Variants in CDC20B observed in about 807,000 individuals in gnomAD.
The protein encoded by CDC20B is cell division cycle protein 20 homolog B.
In CDC20B, 58 loss-of-function variants were observed where a neutral mutation model predicts 64.1. That is an observed-to-expected ratio of 0.90 (90% CI 0.73 to 1.13). The LOEUF (loss-of-function observed/expected upper bound fraction) is 1.13, where lower values mean the gene tolerates loss of function less well. CDC20B is among the 50% of genes most tolerant of loss of function. The pLI is 0.00. For missense variants in CDC20B, 597 were observed against 633.0 expected, an observed-to-expected ratio of 0.94 and a Z score of 0.61; for synonymous variants, 243 against 230.6, an observed-to-expected ratio of 1.05 and a Z score of -0.49.
chr5:55,144,361 C>T (rs1266034404), intron 3 of CDC20B, among the ~76,000 whole-genome samples: 1 of 152,174 alleles, frequency 6.6e-6, no homozygotes, highest in East Asian at 1.9e-4. Flanking sequence ...GCCCTGGAAA[C>T]CTGTCAAGTC....
chr5:55,147,082 A>G (rs996441874), intron 2 of CDC20B, among the ~76,000 whole-genome samples: 12 of 146,384 alleles, frequency 8.2e-5, no homozygotes, highest in Non-Finnish European at 1.5e-4. Flanking sequence ...TATTATATAA[A>G]CATAAATATG....
At chr5:55,133,905 G>A (rs745455109) in intron 5 of CDC20B, among the ~76,000 whole-genome samples, 8 of 151,936 alleles carry the variant, frequency 5.3e-5, no homozygotes, top group Non-Finnish European at 1.0e-4. Flanking sequence ...GACTTACCTG[G>A]TACACCTATG....
At chr5:55,136,472 T>A (rs1181107333) in intron 5 of CDC20B, 1 of 151,908 alleles carries the variant, frequency 6.6e-6, no homozygotes, top group African/African-American at 2.4e-5. Flanking sequence ...GGCAGGAGAA[T>A]TGCTTCAACC....
At position 55,114,348 on chromosome 5, in the gene CDC20B, T is replaced by TGCTGCC; in HGVS notation, c.1460-31_1460-30insGGCAGC. On this transcript the variant is annotated intron_variant, in intron 11 of 11. Coordinates refer to ENST00000381375, the MANE Select transcript of CDC20B (RefSeq NM_001170402.1). This position sits in a 1 kb window ranked among gnomAD's most constrained non-coding sequence, Gnocchi z 4.1. ...GGGAAGAAGGAAAGACAGTTCATACTCCTCCACGTTACATGGGCTGCTGCT... is the reference window on the plus strand; with the variant it reads ...GGGAAGAAGGAAAGACAGTTCATACTGCTGCCCCTCCACGTTACATGGGCTGCTGCT... 1 of 1,610,596 alleles carries TGCTGCC rather than the reference T, an allele frequency of 6.2e-7. No homozygotes were observed. The highest frequency in any genetic ancestry group is 1.1e-5 in the South Asian group (1 of 90,536).
At chr5:55,132,144 A>G (rs946312224) in intron 6 of CDC20B, among the ~76,000 whole-genome samples, 3 of 152,238 alleles carry the variant, frequency 2.0e-5, no homozygotes, top group African/African-American at 7.2e-5. Context: ...CAGTTTTTTA[A>G]CATTTTTTGA....
chr5:55,124,525 G>A (rs1466066716), intron 9 of CDC20B, among the ~76,000 whole-genome samples: 2 of 152,128 alleles, frequency 1.3e-5, no homozygotes, highest in African/African-American at 2.4e-5. Context: ...AAAACCAGCT[G>A]TATGTACCCA....
intron 9 of CDC20B, 138 bp from the exon 10 acceptor site, chr5:55,120,688 G>A: frequency 2.1e-6 from 2 of 947,594 alleles, no homozygotes; most frequent in South Asian, 1.4e-5. Flanking sequence ...CTAAAGGCAG[G>A]AGCAACTGCA....
rs1364286721 is a variant in CDC20B, at chr5:55,161,270, T to G, written c.126+11318A>C. 5 of 1,606,026 alleles carry G rather than the reference T, an allele frequency of 3.1e-6. No individual in the cohort carries two copies. The African/African-American group carries it at 4.0e-5, about 13-fold the overall frequency. ...ATTTCTTGTTGGTAAATATCTGCCT[T>G]GCATATGCTGTTTTAAATTGCTTTT... is the stretch of plus-strand genomic sequence containing the variant. On this transcript the variant is annotated intron_variant, in intron 2 of 11. Transcript: ENST00000381375.
chr5:55,147,411 TTA>T (rs1261932123), intron 2 of CDC20B, among the ~76,000 whole-genome samples: 2 of 139,038 alleles, frequency 1.4e-5, no homozygotes, highest in Admixed American at 1.5e-4. Flanking sequence ...ATAAAATATG[TTA>T]TATTTTATAT....
chr5:55,126,481 A>AAAAAAAAAAAAAAAAAC (rs1742897130), intron 8 of CDC20B: 1 of 296,866 alleles, frequency 3.4e-6, no homozygotes, highest in African/African-American at 2.3e-5. Flanking sequence ...AAAAAAAAAA[A>AAAAAAAAAAAAAAAAAC]AAAAAACAGT....
At chr5:55,171,332 T>C (rs191414220) in intron 2 of CDC20B, among the ~76,000 whole-genome samples, 96 of 152,218 alleles carry the variant, frequency 6.3e-4, no homozygotes, top group Non-Finnish European at 1.2e-3. Flanking sequence ...AATAAAAAGT[T>C]ACTTAACTAT....
chr5:55,159,482 A>C (rs77213512), intron 2 of CDC20B, among the ~76,000 whole-genome samples: 99 of 152,282 alleles, frequency 6.5e-4, no homozygotes, highest in African/African-American at 2.3e-3. Context: ...TATGTTGTAA[A>C]GTGCACTGCT....
intron 2 of CDC20B, among the ~76,000 whole-genome samples, chr5:55,155,495 C>T (rs1743783068): frequency 6.6e-6 from 1 of 152,068 alleles, no homozygotes; most frequent in Admixed American, 6.5e-5. Context: ...GAGTGTGTGC[C>T]GCTCCCACCC....
In CDC20B at chr5:55,172,609, C is replaced by A; in HGVS notation, c.105G>T (p.Lys35Asn). ...TCACGTTGGCGGAATCTTGACTTCT[C>A]TTCTGCTTCAAGTCTTTGGAGAGCA... is the stretch of plus-strand genomic sequence containing the variant. ...MRVLSKDLKQ[K>N]RSQDSANVLD... The change falls in exon 2 of 12, where the codon AAG (lysine) becomes AAT (asparagine). Residue 35 changes from lysine (K) to asparagine (N), a missense_variant. Around this residue, in one of 3 missense-constraint regions of CDC20B, gnomAD observed 241 missense variants for 219.2 expected, o/e 1.10. Transcript: ENST00000381375. 1 of 1,610,626 alleles carries A rather than the reference C, an allele frequency of 6.2e-7. No homozygotes were observed. The highest frequency in any genetic ancestry group is 1.1e-5 in the South Asian group (1 of 91,056).
intron 3 of CDC20B, among the ~76,000 whole-genome samples, chr5:55,143,882 T>C (rs1235687522): frequency 6.6e-6 from 1 of 151,786 alleles, no homozygotes; most frequent in Non-Finnish European, 1.5e-5. Context: ...CATAAGGTTG[T>C]CACTCAATGA....
intron 2 of CDC20B, chr5:55,164,427 T>G: frequency 3.0e-6 from 1 of 337,940 alleles, no homozygotes; most frequent in East Asian, 4.6e-5. Flanking sequence ...ATCTTGCTAT[T>G]AAGTGGTAAT....
At chr5:55,116,393 C>T (rs569416160) in intron 11 of CDC20B, among the ~76,000 whole-genome samples, 19 of 152,244 alleles carry the variant, frequency 1.2e-4, no homozygotes, top group African/African-American at 4.1e-4. Flanking sequence ...ATAGAAAGAT[C>T]CAGCCTCCTA....
Position 55,143,639 on chromosome 5 carries a change from G to A in CDC20B, c.360C>T (p.Ser120=). ...TGGGGGTCTTCAGTTGTTCTTTGCG[G>A]GATCCTACAAGAAAGACATTTATCT... ...PPEKETLTLG[S]RKEQLKTPSK... The change falls in exon 4 of 12, where the codon TCC becomes TCT. Residue 120 remains serine (S), a synonymous_variant. Transcript: ENST00000381375. 1 of 1,582,802 alleles carries A rather than the reference G, an allele frequency of 6.3e-7. No individual in the cohort carries two copies. Among genetic ancestry groups the A allele is most frequent in the Non-Finnish European group, 8.6e-7 (1 of 1,167,964 alleles).
intron 2 of CDC20B, among the ~76,000 whole-genome samples, chr5:55,156,267 G>A (rs561723920): frequency 6.6e-6 from 1 of 152,134 alleles, no homozygotes; most frequent in Non-Finnish European, 1.5e-5. Flanking sequence ...CATATGTGGG[G>A]ATTATTACAA....
Sources: gnomAD v4.1 joint callset for allele counts (sites outside exome capture counted in the v4.1 genomes callset) on GRCh38, gnomAD v4.1.1 for gene constraint, gnomAD v4.1.1 regional missense constraint, Gnocchi (gnomAD v3.1) non-coding constraint, MANE v1.5 for transcripts, NCBI Gene and HGNC (gene_info 2026-07-23, HGNC 2026-07-21) for gene names.